Variants in CNTNAP2 observed in about 807,000 individuals in gnomAD.
CNTNAP2 encodes contactin associated protein 2.
In CNTNAP2, 98 loss-of-function variants were observed where a neutral mutation model predicts 155.2. That is an observed-to-expected ratio of 0.63 (90% confidence interval 0.54 to 0.75). The LOEUF is 0.75. Ranked by LOEUF, CNTNAP2 falls within the 30% of genes least tolerant of loss-of-function variation. The pLI, the probability that CNTNAP2 is intolerant of heterozygous loss-of-function variation, is 0.00. For missense variants in CNTNAP2, 1,727 were observed against 1,688.1 expected (o/e 1.02, Z -0.40); for synonymous variants, 651 against 631.2 (o/e 1.03, Z -0.47).
intron 21 of CNTNAP2, among the ~76,000 whole-genome samples, chr7:148,339,185 G>A (rs1469933165): frequency 6.6e-6 from 1 of 151,304 alleles, no homozygotes; most frequent in Non-Finnish European, 1.5e-5. Flanking sequence ...GGCTCTCAGA[G>A]CCCTCCTTGT....
intron 8 of CNTNAP2, among the ~76,000 whole-genome samples, chr7:147,199,011 G>T (rs1802867094): frequency 6.7e-6 from 1 of 148,484 alleles, no homozygotes; most frequent in African/African-American, 2.5e-5. Context: ...ACCCAGGCTG[G>T]AGTGCAATGG....
intron 1 of CNTNAP2, among the ~76,000 whole-genome samples, chr7:146,509,249 G>A (rs749714112): frequency 6.6e-6 from 1 of 152,186 alleles, no homozygotes; most frequent in Non-Finnish European, 1.5e-5. Context: ...CATTTGCATG[G>A]CCTCCATCAG....
rs1033815382 is a variant in CNTNAP2, at chr7:148,416,790, A to C, written c.*1174A>C. The C allele has an allele frequency of 3.3e-5, 5 of 152,300 alleles. No homozygotes were observed. Among genetic ancestry groups the C allele is most frequent in the Middle Eastern group, 3.4e-3 (1 of 294 alleles). 9.4% of individuals were successfully genotyped at this position (152,300 alleles called of 1,614,324 possible). On this transcript the variant is annotated 3_prime_UTR_variant, in exon 24 of 24. Transcript: ENST00000361727. ...CCAATCACACTGCTGTGATTCAGGGATCTTTCTTCTAAGACGGACACATTT... is the reference window on the plus strand; with the variant it reads ...CCAATCACACTGCTGTGATTCAGGGCTCTTTCTTCTAAGACGGACACATTT...
At chr7:148,100,963 A>T (rs1048879054) in intron 15 of CNTNAP2, among the ~76,000 whole-genome samples, 10 of 152,074 alleles carry the variant, frequency 6.6e-5, no homozygotes, top group Non-Finnish European at 1.3e-4. Flanking sequence ...AAAAATGAAG[A>T]GTTCATGTCC....
At chr7:148,331,194 CGGATGGAGTGGATGGATGGAATGGAT>C (rs1563045360) in intron 21 of CNTNAP2, among the ~76,000 whole-genome samples, 1 of 90,848 alleles carries the variant, frequency 1.1e-5, no homozygotes, top group African/African-American at 4.5e-5. Flanking sequence ...AATGGATGGA[CGGATGGAGTGGATGGATGGAATGGAT>C]GGATGGAGTG....
At position 148,273,062 on chromosome 7, in the gene CNTNAP2, C is replaced by G. The variant is rs955551292; in HGVS notation, c.3475+5936C>G. Among the ~76,000 whole-genome samples the G allele has an allele frequency of 4.6e-5, 7 of 152,284 alleles. No homozygotes were observed. The South Asian group carries it at 1.5e-3, about 32-fold the overall frequency. ...TCAGCTCCATATAAGAAAGAACTTC[C>G]TAACAATTAGAGCTTTTCAAAAGTG... On this transcript the variant is annotated intron_variant, in intron 21 of 23. Transcript: ENST00000361727.
At chr7:148,124,802 T>A (rs540654400) in intron 16 of CNTNAP2, among the ~76,000 whole-genome samples, 89 of 152,252 alleles carry the variant, frequency 5.8e-4, no homozygotes, top group Non-Finnish European at 1.0e-3. Flanking sequence ...TAAATTACAA[T>A]GATAGGCACA....
chr7:147,482,191 G>A (rs1798433301), intron 10 of CNTNAP2, among the ~76,000 whole-genome samples: 1 of 151,942 alleles, frequency 6.6e-6, no homozygotes, highest in Non-Finnish European at 1.5e-5. Context: ...TGTAATAATG[G>A]TGTATTGGAC....
At chr7:146,264,599 A>G (rs1373738368) in intron 1 of CNTNAP2, among the ~76,000 whole-genome samples, 1 of 152,226 alleles carries the variant, frequency 6.6e-6, no homozygotes, top group Non-Finnish European at 1.5e-5. Flanking sequence ...AAACGTTGAC[A>G]ATGAAAACAG....
At chr7:146,971,349 A>G (rs148915634) in intron 3 of CNTNAP2, among the ~76,000 whole-genome samples, 2 of 152,332 alleles carry the variant, frequency 1.3e-5, no homozygotes, top group East Asian at 1.9e-4. Flanking sequence ...TGTACTAAAA[A>G]TTGGAAAGGC....
intron 3 of CNTNAP2, among the ~76,000 whole-genome samples, chr7:146,901,680 T>G (rs1318508972): frequency 1.3e-5 from 2 of 152,108 alleles, no homozygotes; most frequent in Admixed American, 6.5e-5. Flanking sequence ...AGTACTTACT[T>G]GGATTGGATA....
intron 10 of CNTNAP2, among the ~76,000 whole-genome samples, chr7:147,439,715 C>T (rs547794432): frequency 6.6e-6 from 1 of 152,038 alleles, no homozygotes; most frequent in East Asian, 1.9e-4. Context: ...TGGGGACTAC[C>T]TCTCTCTTTA....
At chr7:147,605,791 G>T (rs141275072) in intron 12 of CNTNAP2, among the ~76,000 whole-genome samples, 1 of 152,210 alleles carries the variant, frequency 6.6e-6, no homozygotes, top group East Asian at 1.9e-4. Context: ...TTCTCCTTCA[G>T]TTCAAGGCAC....
At position 148,339,209 on chromosome 7, in the gene CNTNAP2, C is replaced by T. The variant is rs1246721866; in HGVS notation, c.3476-44440C>T. On this transcript the variant is annotated intron_variant, in intron 21 of 23. Coordinates refer to ENST00000361727, the MANE Select transcript of CNTNAP2 (RefSeq NM_014141.6). ...AGCCCTCCTTGTAGGTCAACAGTAT[C>T]AAAGGTGCTTAACGCAGATACACCA... Among the ~76,000 whole-genome samples, 3 of 149,432 alleles carry T rather than the reference C, an allele frequency of 2.0e-5. No individual in the cohort carries two copies. The East Asian group carries it at 5.9e-4, about 30-fold the overall frequency.
chr7:146,996,141 A>G (rs1009694349), intron 3 of CNTNAP2, among the ~76,000 whole-genome samples: 1 of 152,044 alleles, frequency 6.6e-6, no homozygotes, highest in African/African-American at 2.4e-5. Flanking sequence ...AATTTATCCA[A>G]TACCATTTAT....
intron 4 of CNTNAP2, among the ~76,000 whole-genome samples, chr7:147,080,103 A>G (rs1453542391): frequency 6.6e-6 from 1 of 151,294 alleles, no homozygotes; most frequent in African/African-American, 2.4e-5. Context: ...TATCCCCCCA[A>G]TTAGGAGGTG....
intron 15 of CNTNAP2, among the ~76,000 whole-genome samples, chr7:148,095,163 TC>T (rs1282482001): frequency 1.3e-5 from 2 of 152,132 alleles, no homozygotes; most frequent in African/African-American, 4.8e-5. Flanking sequence ...AGTCCTGTTT[TC>T]CCCAGAGACC....
intron 1 of CNTNAP2, among the ~76,000 whole-genome samples, chr7:146,746,904 A>G (rs1201611102): frequency 6.6e-6 from 1 of 151,444 alleles, no homozygotes; most frequent in Non-Finnish European, 1.5e-5. Flanking sequence ...CTAGCAACAA[A>G]GAAGTTTTTT....
chr7:147,787,775 T>C (rs1435108243), intron 13 of CNTNAP2, among the ~76,000 whole-genome samples: 2 of 152,210 alleles, frequency 1.3e-5, no homozygotes, highest in East Asian at 1.9e-4. Flanking sequence ...CATTAGGCAA[T>C]AATGAGAGCT....
Sources: allele counts gnomAD v4.1 joint callset (sites outside exome capture counted in the v4.1 genomes callset), GRCh38; gene constraint gnomAD v4.1.1; transcripts MANE v1.5; gene names NCBI Gene and HGNC (gene_info 2026-07-23, HGNC 2026-07-21).